Variants in SF3A2 observed in about 807,000 individuals in gnomAD.
SF3A2 encodes SAP 62.
Under a neutral mutation model 31.1 loss-of-function variants are expected in SF3A2, and 5 were observed. That is an observed-to-expected ratio of 0.16 (90% CI 0.08 to 0.34). The LOEUF (loss-of-function observed/expected upper bound fraction) is 0.34, where lower values mean the gene tolerates loss of function less well. Among genes scored for constraint, SF3A2 ranks in the 10% least tolerant of loss-of-function variants. SF3A2 has a pLI of 1.00. For missense variants in SF3A2, 577 were observed against 643.9 expected, an observed-to-expected ratio of 0.90 and a Z score of 1.13; for synonymous variants, 365 against 263.7, an observed-to-expected ratio of 1.38 and a Z score of -3.72.
chr19:2,237,231 A>G (rs1024901439), intron 1 of SF3A2: 3 of 150,878 alleles, frequency 2.0e-5, no homozygotes, highest in African/African-American at 7.3e-5. Context: ...CAGCCTGGAC[A>G]ACACACCGAG....
intron 2 of SF3A2, among the ~76,000 whole-genome samples, chr19:2,243,766 CT>C (rs1329752350): frequency 1.3e-5 from 2 of 152,254 alleles, no homozygotes; most frequent in African/African-American, 2.4e-5. Flanking sequence ...ATGTTTTGTT[CT>C]GTCCACAGCC....
intron 2 of SF3A2, 66 bp downstream of exon 2, chr19:2,243,610 G>T: frequency 6.9e-7 from 1 of 1,449,432 alleles, no homozygotes; most frequent in Non-Finnish European, 9.0e-7. Flanking sequence ...CCTGGAGAGG[G>T]TGCCAGAGGC....
intron 1 of SF3A2, among the ~76,000 whole-genome samples, chr19:2,239,638 A>C (rs564636673): frequency 6.6e-6 from 1 of 151,458 alleles, no homozygotes; most frequent in Non-Finnish European, 1.5e-5. Context: ...TTTTGTTTTT[A>C]ATTTTCTTGC....
At position 2,244,496 on chromosome 19, in the gene SF3A2, A is replaced by T. The variant is rs761440237; in HGVS notation, c.127-48A>T. The T allele has an allele frequency of 2.7e-6, 4 of 1,501,154 alleles. 1 individual carries two copies. In the South Asian group the frequency reaches 4.6e-5, roughly 17 times the overall value. The allele number at this position is 1,501,154 out of a possible 1,614,324, so 93.0% of individuals were successfully genotyped here. On this transcript the variant is annotated intron_variant, in intron 2 of 8. Coordinates refer to ENST00000221494, the MANE Select transcript of SF3A2 (RefSeq NM_007165.5). ...TCCCGCCTCTGAGGGCCTTGACGGC[A>T]GCAGGCCGCGATCTTCTGTCTAACG...
intron 1 of SF3A2, among the ~76,000 whole-genome samples, chr19:2,242,831 G>A (rs953802723): frequency 2.0e-5 from 3 of 152,164 alleles, no homozygotes; most frequent in Admixed American, 6.5e-5. Context: ...AGATGTGGCA[G>A]ATCTCCCAGG....
chr19:2,246,908 C>T lies in SF3A2; in HGVS notation c.432C>T (p.Gly144=). Residue 144 remains glycine, a synonymous_variant, in exon 7 of 9, where the codon GGC becomes GGT. Transcript: ENST00000221494. The surrounding 1 kb of genome is among the most constrained non-coding windows in gnomAD (Gnocchi z 5.5). ...TTGACTACCCTGAGATCGCCGAGGG[C>T]ATCATGCCACGTCACCGCTTCATGT... ...FQIDYPEIAE[G]IMPRHRFMSA... The T allele has an allele frequency of 1.2e-6, 2 of 1,609,958 alleles. No homozygotes were observed. The highest frequency in any genetic ancestry group is 1.1e-5 in the South Asian group (1 of 90,870).
intron 1 of SF3A2, among the ~76,000 whole-genome samples, chr19:2,241,774 A>G (rs912664681): frequency 1.3e-5 from 2 of 152,058 alleles, no homozygotes; most frequent in Non-Finnish European, 2.9e-5. Flanking sequence ...CCTTTTTCAC[A>G]CTGGAATGTT....
In SF3A2 at chr19:2,245,342, A is replaced by T; in HGVS notation, c.246-104A>T. The T allele has an allele frequency of 1.2e-6, 1 of 802,880 alleles. No individual in the cohort carries two copies. The highest frequency in any genetic ancestry group is 2.0e-6 in the Non-Finnish European group (1 of 495,100). The allele number at this position is 802,880 out of a possible 1,614,324, so 49.7% of individuals were successfully genotyped here. On this transcript the variant is annotated intron_variant, in intron 4 of 8. Coordinates refer to ENST00000221494, the MANE Select transcript of SF3A2 (RefSeq NM_007165.5). The surrounding 1 kb of genome is among the most constrained non-coding windows in gnomAD (Gnocchi z 4.2). ...AGGCCCCTGGCCCTCCTCATCTCTCAGCTTGTAGTGAGCTCCAAGGTCAGG... is the reference window on the plus strand; with the variant it reads ...AGGCCCCTGGCCCTCCTCATCTCTCTGCTTGTAGTGAGCTCCAAGGTCAGG...
At chr19:2,242,115 C>T (rs2145009605) in intron 1 of SF3A2, among the ~76,000 whole-genome samples, 1 of 146,600 alleles carries the variant, frequency 6.8e-6, no homozygotes, top group South Asian at 2.1e-4. Flanking sequence ...TGTGGCCTGT[C>T]CCTCAGCGTG....
chr19:2,240,407 C>A (rs2041112), intron 1 of SF3A2, among the ~76,000 whole-genome samples: 1 of 152,328 alleles, frequency 6.6e-6, no homozygotes. Flanking sequence ...GTGGGCGATC[C>A]GAGCGTGGGA....
Position 2,245,018 on chromosome 19 carries a change from C to G in SF3A2, c.245+239C>G. On this transcript the variant is annotated intron_variant, in intron 4 of 8. Transcript: ENST00000221494. This position sits in a 1 kb window ranked among gnomAD's most constrained non-coding sequence, Gnocchi z 4.2. ...TGGCCAACATTGTGAAACTCCATCTCTACTAAAAATACAAAAATTAGGCCA... is the reference window on the plus strand; with the variant it reads ...TGGCCAACATTGTGAAACTCCATCTGTACTAAAAATACAAAAATTAGGCCA... The G allele has an allele frequency of 1.8e-6, 1 of 567,846 alleles. No homozygotes were observed. The highest frequency in any genetic ancestry group is 3.1e-6 in the Non-Finnish European group (1 of 318,144). The allele number at this position is 567,846 out of a possible 1,614,324, so 35.2% of individuals were successfully genotyped here.
rs1174088461 is a variant in SF3A2, at chr19:2,246,733, G to A, written c.356-20G>A. The A allele has an allele frequency of 6.2e-7, 1 of 1,613,856 alleles. No homozygotes were observed. The highest frequency in any genetic ancestry group is 8.5e-7 in the Non-Finnish European group (1 of 1,179,948). On this transcript the variant is annotated intron_variant, in intron 5 of 8. Transcript: ENST00000221494. This position sits in a 1 kb window ranked among gnomAD's most constrained non-coding sequence, Gnocchi z 5.5. ...CGGAGAGGACAAGCAGCCGGGACCT[G>A]AGAGCTTTCTGTGTTGCAGTGACCA...
intron 1 of SF3A2, among the ~76,000 whole-genome samples, chr19:2,239,535 T>C (rs2024871053): frequency 6.6e-6 from 1 of 152,214 alleles, no homozygotes; most frequent in Admixed American, 6.5e-5. Context: ...TAAAATTTCC[T>C]GATTTCCTCA....
intron 7 of SF3A2, 81 bp from the exon 8 acceptor site, chr19:2,247,513 G>A (rs1248344738): frequency 2.1e-6 from 3 of 1,432,292 alleles, no homozygotes; most frequent in Non-Finnish European, 2.9e-6. Flanking sequence ...GGCTGGGGAG[G>A]CTAGTGCCTC....
Position 2,247,070 on chromosome 19 carries a change from A to C in SF3A2, c.546+48A>C, listed in dbSNP as rs199516502. ...TGGGCCCCCTTGAGATGTGCAAGCC[A>C]GAAGGATCTGCATAGGCTGGGCAGG... On this transcript the variant is annotated intron_variant, in intron 7 of 8. Coordinates refer to ENST00000221494, the MANE Select transcript of SF3A2 (RefSeq NM_007165.5). 569 of 1,575,890 alleles carry C rather than the reference A, an allele frequency of 3.6e-4. 1 individual carries two copies. In the African/African-American group the frequency reaches 7.2e-3, roughly 20 times the overall value.
chr19:2,248,297 A>C lies in SF3A2; in HGVS notation c.1146A>C (p.Ala382=). The change falls in exon 9 of 9, where the codon GCA becomes GCC. Residue 382 remains alanine (A), a synonymous_variant. Coordinates refer to ENST00000221494, the MANE Select transcript of SF3A2 (RefSeq NM_007165.5). ...CCCAGGCCCCGGGGGTGCACCCAGC[A>C]GCCCCCGCCGTTCACCCTCAGGCCC... ...VHPQAPGVHP[A]APAVHPQAPG... 1 of 1,314,300 alleles carries C rather than the reference A, an allele frequency of 7.6e-7. No homozygotes were observed. Among genetic ancestry groups the C allele is most frequent in the South Asian group, 1.6e-5 (1 of 61,554 alleles). 81.4% of individuals were successfully genotyped at this position (1,314,300 alleles called of 1,614,324 possible). A position where few individuals can be genotyped will look rare whatever the true frequency, so the allele number is the denominator to read the frequency against.
At position 2,247,655 on chromosome 19, in the gene SF3A2, C is replaced by T; in HGVS notation, c.608C>T (p.Thr203Ile). ...TTCTGGACACACTGGAACCGGGAGACCAAGCAGGTGAGTGGCTCGCCCCGA... is the reference window on the plus strand; with the variant it reads ...TTCTGGACACACTGGAACCGGGAGATCAAGCAGGTGAGTGGCTCGCCCCGA... ...GKFWTHWNRE[T>I]KQFFLQFHFK... The change falls in exon 8 of 9, where the codon ACC (threonine) becomes ATC (isoleucine). Residue 203 changes from threonine (T) to isoleucine (I), a missense_variant. Thr to Ile is a moderately conservative substitution (Grantham distance 89, BLOSUM62 -1). Transcript: ENST00000221494. 6.2e-7 allele frequency: 1 copy of T among 1,613,400 alleles called. No individual in the cohort carries two copies. The highest frequency in any genetic ancestry group is 8.5e-7 in the Non-Finnish European group (1 of 1,179,756).
At chr19:2,240,146 C>T (rs1021564256) in intron 1 of SF3A2, among the ~76,000 whole-genome samples, 4 of 152,230 alleles carry the variant, frequency 2.6e-5, no homozygotes, top group Non-Finnish European at 4.4e-5. Context: ...AACTCTTCCT[C>T]TGGCGCTGTT....
At position 2,246,607 on chromosome 19, in the gene SF3A2, T is replaced by C; in HGVS notation, c.356-146T>C. 1 of 871,966 alleles carries C rather than the reference T, an allele frequency of 1.1e-6. No individual in the cohort carries two copies. The allele number at this position is 871,966 out of a possible 1,614,324, so 54.0% of individuals were successfully genotyped here. ...TCACCTATACCAGAATCCCAGAGCC[T>C]GGGCGGAGATTGTCTAATGGTTGCC... is the stretch of plus-strand genomic sequence containing the variant. On this transcript the variant is annotated intron_variant, in intron 5 of 8. Transcript: ENST00000221494. This position sits in a 1 kb window ranked among gnomAD's most constrained non-coding sequence, Gnocchi z 5.5.
Sources: gnomAD v4.1 joint callset for allele counts (sites outside exome capture counted in the v4.1 genomes callset) on GRCh38, gnomAD v4.1.1 for gene constraint, Gnocchi (gnomAD v3.1) non-coding constraint, MANE v1.5 for transcripts, NCBI Gene and HGNC (gene_info 2026-07-23, HGNC 2026-07-21) for gene names.